AGXT2: variants seen among roughly 807,000 people sequenced by gnomAD.
AGXT2 encodes alanine--glyoxylate aminotransferase 2, also known as alanine--glyoxylate aminotransferase 2, mitochondrial.
A neutral mutation model predicts 62.5 loss-of-function variants in AGXT2; 61 were observed. The observed-to-expected ratio is 0.98, with a 90% CI of 0.79 to 1.21. The LOEUF (loss-of-function observed/expected upper bound fraction) is 1.21, where lower values mean the gene tolerates loss of function less well. AGXT2 is among the 50% of genes most tolerant of loss of function. The pLI, the probability that AGXT2 is intolerant of heterozygous loss-of-function variation, is 0.00. For missense variants in AGXT2, 666 were observed against 641.5 expected, an observed-to-expected ratio of 1.04 and a Z score of -0.41; for synonymous variants, 243 against 218.7, an observed-to-expected ratio of 1.11 and a Z score of -0.98.
intron 9 of AGXT2, among the ~76,000 whole-genome samples, chr5:35,022,337 TG>T (rs1171022219): frequency 6.6e-6 from 1 of 151,414 alleles, no homozygotes; most frequent in African/African-American, 2.4e-5. Context: ...TGTCCAACAA[TG>T]ATAGACTGGA....
chr5:35,033,396 C>G (rs1767644515), intron 6 of AGXT2, 64 bp downstream of exon 6: 1 of 1,277,942 alleles, frequency 7.8e-7, no homozygotes, highest in Non-Finnish European at 1.1e-6. Context: ...CCAGGAAAAC[C>G]TGATCAACTA....
chr5:35,011,729 A>G (rs1766648219), intron 11 of AGXT2, among the ~76,000 whole-genome samples: 2 of 152,120 alleles, frequency 1.3e-5, no homozygotes, highest in Admixed American at 6.6e-5. Flanking sequence ...TAAAAGAACT[A>G]AAAGTAGTTC....
chr5:35,037,446 T>C (rs1223250041), intron 3 of AGXT2, among the ~76,000 whole-genome samples: 1 of 152,178 alleles, frequency 6.6e-6, no homozygotes, highest in African/African-American at 2.4e-5. Context: ...TTCCATTTTA[T>C]TTTTCTAAAG....
At chr5:35,034,951 G>T (rs1306837519) in intron 5 of AGXT2, among the ~76,000 whole-genome samples, 1 of 152,140 alleles carries the variant, frequency 6.6e-6, no homozygotes, top group African/African-American at 2.4e-5. Flanking sequence ...TGTCATGTGG[G>T]TTTCTCTTAA....
At chr5:35,040,138 C>T (rs759602053) in intron 2 of AGXT2, among the ~76,000 whole-genome samples, 12 of 151,904 alleles carry the variant, frequency 7.9e-5, no homozygotes, top group Non-Finnish European at 1.6e-4. Context: ...AGAGAAAATG[C>T]CAGCTGAATT....
chr5:35,025,664 AG>A, intron 9 of AGXT2, 98 bp downstream of exon 9: 1 of 1,281,206 alleles, frequency 7.8e-7, no homozygotes, highest in Non-Finnish European at 1.1e-6. Flanking sequence ...TTCACAGAGC[AG>A]AGGCTTTCTG....
At position 35,012,942 on chromosome 5, in the gene AGXT2, G is replaced by A. The variant is rs773968211; in HGVS notation, c.1188+12C>T. 1.5e-5 allele frequency: 24 copies of A among 1,551,250 alleles called. No individual in the cohort carries two copies. The highest frequency in any genetic ancestry group is 1.7e-4 in the Middle Eastern group (1 of 6,012). ...TGAAATGAGTGAGGTTAATGTGGCCGCTGGAACCAACCTCAAGCACAGCAG... is the reference window on the plus strand; with the variant it reads ...TGAAATGAGTGAGGTTAATGTGGCCACTGGAACCAACCTCAAGCACAGCAG... On this transcript the variant is annotated intron_variant, in intron 11 of 13. Transcript: ENST00000231420.
chr5:35,037,250 AAGG>A, intron 3 of AGXT2, among the ~76,000 whole-genome samples, 185 bp from the exon 4 acceptor site: 2 of 152,350 alleles, frequency 1.3e-5, no homozygotes, highest in South Asian at 4.1e-4. Context: ...GTTGACTTAA[AAGG>A]TAATGAATTC....
chr5:35,040,099 G>A (rs79285811), intron 2 of AGXT2, among the ~76,000 whole-genome samples: 1 of 152,118 alleles, frequency 6.6e-6, no homozygotes, highest in Non-Finnish European at 1.5e-5. Flanking sequence ...AAGAAAGAGA[G>A]AGAAAGAAAG....
chr5:35,020,932 G>A (rs1767051994), intron 9 of AGXT2, among the ~76,000 whole-genome samples: 1 of 152,084 alleles, frequency 6.6e-6, no homozygotes, highest in African/African-American at 2.4e-5. Context: ...ACCAATAACA[G>A]ACAAACAGAG....
In AGXT2 at chr5:35,041,223, C is replaced by CGAAAAAAA. The variant is rs70973023; in HGVS notation, c.89-561_89-560insTTTTTTTC. 4.0e-3 allele frequency among the ~76,000 whole-genome samples: 208 copies of CGAAAAAAA among 51,400 alleles called. 23 individuals are homozygous for CGAAAAAAA. The highest frequency in any genetic ancestry group is 0.011 in the African/African-American group (121 of 11,120). 33.7% of individuals were successfully genotyped at this position (51,400 alleles called of 152,430 possible). Reference sequence around the variant, plus strand: ...CCCAGAAGACAAAACCTCCCCCCGCCAAAAAAAAAAAAAAAAAAAGGCTGC... The same window carrying CGAAAAAAA: ...CCCAGAAGACAAAACCTCCCCCCGCCGAAAAAAAAAAAAAAAAAAAAAAAAAAGGCTGC... On this transcript the variant is annotated intron_variant, in intron 1 of 13. Coordinates refer to ENST00000231420, the MANE Select transcript of AGXT2 (RefSeq NM_031900.4).
intron 1 of AGXT2, among the ~76,000 whole-genome samples, chr5:35,045,849 G>C (rs529430915): frequency 1.4e-5 from 2 of 140,538 alleles, no homozygotes; most frequent in South Asian, 4.9e-4. Context: ...CTCACTGCAA[G>C]CTCCGACTCC....
At chr5:35,031,206 T>A (rs890745430) in intron 7 of AGXT2, among the ~76,000 whole-genome samples, 6 of 152,186 alleles carry the variant, frequency 3.9e-5, no homozygotes, top group Admixed American at 1.3e-4. Context: ...AGACCTGGGG[T>A]AAAATCTTAG....
intron 3 of AGXT2, among the ~76,000 whole-genome samples, chr5:35,037,323 ATG>A: frequency 6.6e-6 from 1 of 152,350 alleles, no homozygotes; most frequent in South Asian, 2.1e-4. Flanking sequence ...TAGAAAAGAA[ATG>A]CCTAGTTTAG....
intron 9 of AGXT2, among the ~76,000 whole-genome samples, chr5:35,019,942 C>G (rs1049416985): frequency 2.9e-3 from 449 of 152,298 alleles, no homozygotes; most frequent in Non-Finnish European, 4.4e-3. Context: ...ATACTACAAC[C>G]ACCTCTATGC....
chr5:35,002,580 G>A (rs772111000), intron 13 of AGXT2, among the ~76,000 whole-genome samples: 1 of 152,196 alleles, frequency 6.6e-6, no homozygotes, highest in Non-Finnish European at 1.5e-5. Context: ...CAAAGCCCAT[G>A]AAGGCCCAGG....
At chr5:35,043,223 T>G (rs1440984958) in intron 1 of AGXT2, among the ~76,000 whole-genome samples, 1 of 152,220 alleles carries the variant, frequency 6.6e-6, no homozygotes, top group Non-Finnish European at 1.5e-5. Context: ...AAATTCTCTT[T>G]GTAATGATAA....
chr5:35,011,530 T>C (rs1766639148), intron 11 of AGXT2, among the ~76,000 whole-genome samples: 1 of 152,016 alleles, frequency 6.6e-6, no homozygotes, highest in Admixed American at 6.6e-5. Context: ...ACCCATACTT[T>C]CTCATCTCAT....
In AGXT2 at chr5:35,035,286, CTTCTGAGCCACTG is replaced by C; in HGVS notation, c.504_516del (p.Asn168LysfsTer8). ...GCCATCAGCATGGCCAGCTCATTGG[CTTCTGAGCCACTG>C]TTCACCAAGAAAATGACCTGGAGAG... On this transcript the variant is annotated frameshift_variant, in exon 5 of 14. Coordinates refer to ENST00000231420, the MANE Select transcript of AGXT2 (RefSeq NM_031900.4). LOFTEE classifies it high-confidence loss of function. 1 of 1,614,022 alleles carries C rather than the reference CTTCTGAGCCACTG, an allele frequency of 6.2e-7. No homozygotes were observed. Among genetic ancestry groups the C allele is most frequent in the South Asian group, 1.1e-5 (1 of 91,078 alleles).
Sources: allele counts gnomAD v4.1 joint callset (sites outside exome capture counted in the v4.1 genomes callset), GRCh38; gene constraint gnomAD v4.1.1; transcripts MANE v1.5; gene names NCBI Gene and HGNC (gene_info 2026-07-23, HGNC 2026-07-21).